APOLD1: variants seen among roughly 807,000 people sequenced by gnomAD.
The protein encoded by APOLD1 is apolipoprotein L domain containing 1, also known as apolipoprotein L domain-containing protein 1.
APOLD1 carries 22 observed loss-of-function variants against 15.3 expected under a neutral mutation model. The ratio of observed to expected loss-of-function variants is 1.44; its 90% confidence interval spans 1.03 to 2.05. The LOEUF is 2.05. APOLD1 is among the 30% of genes most tolerant of loss of function. APOLD1 has a pLI of 0.00. For synonymous variants in APOLD1, 190 were observed against 167.4 expected, an observed-to-expected ratio of 1.13 and a Z score of -1.04; for missense variants, 394 against 353.5, an observed-to-expected ratio of 1.11 and a Z score of -0.92.
At position 12,786,963 on chromosome 12, in the gene APOLD1, T is replaced by C. The variant is rs746277103; in HGVS notation, c.58T>C (p.Phe20Leu). Residue 20 changes from phenylalanine to leucine, a missense_variant, in exon 2 of 2, where the codon TTC becomes CTC. Coordinates refer to ENST00000356591, the MANE Select transcript of APOLD1 (RefSeq NM_030817.3). ...EPHGPDALRR[F>L]QGLLLDRRGR... ...GCATGGGCCCGACGCGCTGCGGCGC[T>C]TCCAGGGACTGCTGCTGGACCGCCG... is the stretch of plus-strand genomic sequence containing the variant. 3 of 1,458,504 alleles carry C rather than the reference T, an allele frequency of 2.1e-6. No homozygotes were observed. The South Asian group carries it at 4.0e-5, about 20-fold the overall frequency. 90.3% of individuals were successfully genotyped at this position (1,458,504 alleles called of 1,614,324 possible). A position where few individuals can be genotyped will look rare whatever the true frequency, so the allele number is the denominator to read the frequency against.
At chr12:12,753,696 A>G (rs1247033872) in intron 1 of APOLD1, among the ~76,000 whole-genome samples, 1 of 152,080 alleles carries the variant, frequency 6.6e-6, no homozygotes, top group Non-Finnish European at 1.5e-5. Flanking sequence ...AAAGAAAGAA[A>G]TATGAGTAGG....
intron 1 of APOLD1, among the ~76,000 whole-genome samples, chr12:12,771,963 G>A (rs1946991106): frequency 6.6e-6 from 1 of 151,320 alleles, no homozygotes; most frequent in Non-Finnish European, 1.5e-5. Context: ...ATTTAAAAAG[G>A]TTAGAAAAAA....
In APOLD1 at chr12:12,787,556, C is replaced by A; in HGVS notation, c.651C>A (p.Ser217Arg). Residue 217 changes from serine (S) to arginine (R), a missense_variant, in exon 2 of 2, where the codon AGC (serine) becomes AGA (arginine). Coordinates refer to ENST00000356591, the MANE Select transcript of APOLD1 (RefSeq NM_030817.3). This position sits in a 1 kb window ranked among gnomAD's most constrained non-coding sequence, Gnocchi z 4.9. ...GCACCGGGGCTCTGGACGAACTCAG[C>A]GAGCAGCTGGAGTCTCGGGTTCAGC... The part of the protein sequence containing the change: ...ESCTGALDEL[S>R]EQLESRVQLC... The A allele has an allele frequency of 6.2e-7, 1 of 1,613,624 alleles. No individual in the cohort carries two copies.
chr12:12,767,660 C>CAAAACA (rs749381948), intron 1 of APOLD1, among the ~76,000 whole-genome samples: 10 of 152,034 alleles, frequency 6.6e-5, no homozygotes, highest in South Asian at 2.1e-4. Flanking sequence ...TGTCTCAAAA[C>CAAAACA]AAAACAAAAA....
At chr12:12,726,956 A>C (rs1946598538) in intron 1 of APOLD1, among the ~76,000 whole-genome samples, 1 of 152,208 alleles carries the variant, frequency 6.6e-6, no homozygotes, top group African/African-American at 2.4e-5. Context: ...CAGTGAGCTC[A>C]CCATCCCTGG....
intron 1 of APOLD1, among the ~76,000 whole-genome samples, chr12:12,728,007 C>T (rs1946606715): frequency 2.0e-5 from 3 of 151,404 alleles, no homozygotes; most frequent in African/African-American, 7.3e-5. Flanking sequence ...CACTCTGTCA[C>T]ACAGGCTGGA....
chr12:12,728,505 A>C (rs889029749), intron 1 of APOLD1, among the ~76,000 whole-genome samples: 2 of 151,846 alleles, frequency 1.3e-5, no homozygotes, highest in African/African-American at 4.8e-5. Flanking sequence ...GTTTCTACAA[A>C]AAACAAAAAA....
intron 1 of APOLD1, among the ~76,000 whole-genome samples, chr12:12,733,454 A>T (rs1234223657): frequency 6.6e-6 from 1 of 152,262 alleles, no homozygotes; most frequent in African/African-American, 2.4e-5. Flanking sequence ...GTATATAGGC[A>T]TACAATTGAA....
At chr12:12,760,021 C>A (rs1946884815) in intron 1 of APOLD1, among the ~76,000 whole-genome samples, 1 of 152,162 alleles carries the variant, frequency 6.6e-6, no homozygotes, top group African/African-American at 2.4e-5. Context: ...AGACAAGCAA[C>A]TGAATAGAAG....
At chr12:12,732,729 C>CAAAA (rs34221371) in intron 1 of APOLD1, among the ~76,000 whole-genome samples, 5 of 87,670 alleles carry the variant, frequency 5.7e-5, no homozygotes, top group South Asian at 8.0e-4. Flanking sequence ...GACTCTGTCT[C>CAAAA]AAAAAAAAAA....
upstream of APOLD1, among the ~76,000 whole-genome samples, chr12:12,781,226 T>C (rs1295048217): frequency 6.6e-6 from 1 of 152,080 alleles, no homozygotes; most frequent in Non-Finnish European, 1.5e-5. Context: ...GTGGATCACC[T>C]GAGGTCAGGA....
intron 1 of APOLD1, among the ~76,000 whole-genome samples, chr12:12,774,415 G>A (rs939529695): frequency 6.6e-6 from 1 of 151,456 alleles, no homozygotes; most frequent in African/African-American, 2.4e-5. Context: ...GTATGGTGGT[G>A]TGTGCTTGTA....
intron 1 of APOLD1, among the ~76,000 whole-genome samples, chr12:12,760,130 A>T (rs1023100280): frequency 4.6e-5 from 7 of 152,172 alleles, no homozygotes; most frequent in African/African-American, 1.7e-4. Context: ...TGAGCCTAGG[A>T]GTTCGAGACC....
rs185366315 is a variant in APOLD1 at position 12,767,200 on chromosome 12, C to A, written c.97-19709C>A. 1.4e-4 allele frequency among the ~76,000 whole-genome samples: 22 copies of A among 152,124 alleles called. No homozygotes were observed. The East Asian group carries it at 4.3e-3, about 29-fold the overall frequency. Reference sequence around the variant, plus strand: ...GGTGGAGGTTGCAGTGTGCCAAGACCACGCCAGTGCACTCCAGCTTGGGTG... The same window carrying A: ...GGTGGAGGTTGCAGTGTGCCAAGACAACGCCAGTGCACTCCAGCTTGGGTG... On this transcript the variant is annotated intron_variant, in intron 1 of 1. Coordinates refer to the APOLD1 transcript ENST00000326765.
intron 1 of APOLD1, among the ~76,000 whole-genome samples, chr12:12,769,574 C>A (rs34107699): frequency 6.6e-6 from 1 of 151,200 alleles, no homozygotes; most frequent in African/African-American, 2.4e-5. Flanking sequence ...ATTTTGCAAA[C>A]GATCCTCTCA....
In APOLD1 at chr12:12,787,313, C is replaced by T. The variant is rs200697292; in HGVS notation, c.408C>T (p.Ser136=). 3.6e-5 allele frequency: 58 copies of T among 1,612,868 alleles called. No individual in the cohort carries two copies. The African/African-American group carries it at 6.4e-4, about 18-fold the overall frequency. ...AGGACCAGATGCGAGAGATCCTGAG[C>T]TGCCTCGAGTTTTTCTGCCGCTGGC... ...TCQDQMREIL[S]CLEFFCRWQG... is the part of the protein sequence containing the mutation. Residue 136 remains serine (S), a synonymous_variant, in exon 2 of 2, where the codon AGC becomes AGT. Coordinates refer to ENST00000356591, the MANE Select transcript of APOLD1 (RefSeq NM_030817.3). The surrounding 1 kb of genome is among the most constrained non-coding windows in gnomAD (Gnocchi z 4.9).
In APOLD1 at chr12:12,787,112, C is replaced by T. The variant is rs1464509892; in HGVS notation, c.207C>T (p.Ala69=). 2.1e-6 allele frequency: 3 copies of T among 1,427,528 alleles called. No homozygotes were observed. Among genetic ancestry groups the T allele is most frequent in the East Asian group, 5.5e-5 (2 of 36,318 alleles). 88.4% of individuals were successfully genotyped at this position (1,427,528 alleles called of 1,614,324 possible). A position where few individuals can be genotyped will look rare whatever the true frequency, so the allele number is the denominator to read the frequency against. ...CGCTGAGCGCAACGGGCGCCCTCGC[C>T]GCCATCGTGGGGCTCTCGCTCAGCC... ...GSSLSATGAL[A]AIVGLSLSPV... is the part of the protein sequence containing the mutation. The change falls in exon 2 of 2, where the codon GCC becomes GCT. Residue 69 remains alanine, a synonymous_variant. Transcript: ENST00000356591. This position sits in a 1 kb window ranked among gnomAD's most constrained non-coding sequence, Gnocchi z 4.9.
exon 1 of APOLD1, chr12:12,725,950 C>A: frequency 7.2e-7 from 1 of 1,390,992 alleles, no homozygotes; most frequent in South Asian, 1.6e-5. Context: ...GCGGGGCGGT[C>A]AGCGATCTGC....
At chr12:12,782,747 C>G (rs900503724), upstream of APOLD1, among the ~76,000 whole-genome samples, 5 of 152,054 alleles carry the variant, frequency 3.3e-5, no homozygotes, top group African/African-American at 1.2e-4. Context: ...TCAGTGTAGT[C>G]TCTCTAGGGT....
Sources: gnomAD v4.1 joint callset for allele counts (sites outside exome capture counted in the v4.1 genomes callset) on GRCh38, gnomAD v4.1.1 for gene constraint, Gnocchi (gnomAD v3.1) non-coding constraint, MANE v1.5 for transcripts, NCBI Gene and HGNC (gene_info 2026-07-23, HGNC 2026-07-21) for gene names.